Variants in CSMD1 observed in about 807,000 individuals in gnomAD.
CSMD1 encodes CUB and sushi domain-containing protein 1.
In CSMD1, 213 loss-of-function variants were observed where a neutral mutation model predicts 417.5. The ratio of observed to expected loss-of-function variants is 0.51; its 90% CI spans 0.46 to 0.57. The LOEUF is 0.57. Ranked by LOEUF, CSMD1 falls within the 20% of genes least tolerant of loss-of-function variation. CSMD1 has a pLI of 0.00. For synonymous variants in CSMD1, 2,862 were observed against 1,736.8 expected, an observed-to-expected ratio of 1.65 and a Z score of -16.11; for missense variants, 6,923 against 4,529.7, an observed-to-expected ratio of 1.53 and a Z score of -15.17.
At chr8:3,078,976 A>G (rs1813892525) in intron 49 of CSMD1, among the ~76,000 whole-genome samples, 2 of 150,668 alleles carry the variant, frequency 1.3e-5, no homozygotes, top group South Asian at 2.1e-4. Flanking sequence ...AACGGGGGGG[A>G]GCACCTTTAT....
At chr8:3,874,460 T>C (rs888392411) in intron 5 of CSMD1, among the ~76,000 whole-genome samples, 2 of 152,190 alleles carry the variant, frequency 1.3e-5, no homozygotes, top group African/African-American at 4.8e-5. Flanking sequence ...AAGCTCAGAC[T>C]TCAGTGCTTG....
intron 2 of CSMD1, among the ~76,000 whole-genome samples, chr8:4,533,525 CT>C (rs990456599): frequency 1.3e-5 from 2 of 152,086 alleles, no homozygotes; most frequent in African/African-American, 4.8e-5. Flanking sequence ...TAGTACAGAC[CT>C]TTTGGGAACA....
At chr8:4,558,654 G>C (rs1025702691) in intron 2 of CSMD1, among the ~76,000 whole-genome samples, 6 of 152,132 alleles carry the variant, frequency 3.9e-5, no homozygotes, top group African/African-American at 1.2e-4. Flanking sequence ...ATCATCTGAG[G>C]TCAGGAGTTC....
At chr8:4,335,589 C>G (rs1464525072) in intron 3 of CSMD1, among the ~76,000 whole-genome samples, 1 of 152,082 alleles carries the variant, frequency 6.6e-6, no homozygotes, top group South Asian at 2.1e-4. Context: ...CTAACTTTTC[C>G]TTAAAACTAC....
intron 7 of CSMD1, among the ~76,000 whole-genome samples, chr8:3,654,584 A>G (rs184773067): frequency 2.1e-4 from 32 of 152,204 alleles, no homozygotes; most frequent in Non-Finnish European, 4.3e-4. Context: ...AAAATTGTCT[A>G]CATACTCAAA....
At chr8:4,992,064 T>G (rs1357975179) in intron 1 of CSMD1, among the ~76,000 whole-genome samples, 2 of 152,110 alleles carry the variant, frequency 1.3e-5, no homozygotes, top group Non-Finnish European at 2.9e-5. Flanking sequence ...ACTTCTCGGC[T>G]TCTACAGCCA....
Position 3,596,411 on chromosome 8 carries a change from A to G in CSMD1, c.1098-10151T>C, listed in dbSNP as rs535972564. Reference sequence around the variant, plus strand: ...CCTTTGGGGCCTCCACGATAAGTCAACAATGGAGGAGGCTGATTCCCAAAT... The same window carrying G: ...CCTTTGGGGCCTCCACGATAAGTCAGCAATGGAGGAGGCTGATTCCCAAAT... On this transcript the variant is annotated intron_variant, in intron 8 of 69. Coordinates refer to ENST00000635120, the MANE Select transcript of CSMD1 (RefSeq NM_033225.6). Among the ~76,000 whole-genome samples the G allele has an allele frequency of 5.9e-5, 9 of 152,322 alleles. No homozygotes were observed. In the South Asian group the frequency reaches 6.2e-4, roughly 11 times the overall value.
intron 1 of CSMD1, among the ~76,000 whole-genome samples, chr8:4,766,979 G>T (rs886310086): frequency 2.0e-5 from 3 of 152,128 alleles, no homozygotes; most frequent in African/African-American, 7.2e-5. Flanking sequence ...GTCTAAAAAA[G>T]AAAATATTTC....
intron 5 of CSMD1, among the ~76,000 whole-genome samples, chr8:3,866,453 G>T (rs17067806): frequency 0.012 from 1,803 of 152,240 alleles, 33 homozygotes; most frequent in African/African-American, 0.04. Flanking sequence ...TGTTTAAATA[G>T]TGTGTGCTTG....
At position 2,961,212 on chromosome 8, in the gene CSMD1, G is replaced by A. The variant is rs1201213860; in HGVS notation, c.9631C>T (p.Pro3211Ser). The change falls in exon 62 of 70, where the codon CCT becomes TCT. Residue 3211 changes from proline to serine, a missense_variant and splice_region_variant. Coordinates refer to ENST00000635120, the MANE Select transcript of CSMD1 (RefSeq NM_033225.6). The part of the protein sequence containing the change: ...WSGIQPTCID[P>S]AHNTCPDPGT... ...GGGTCTGGGCAGGTGTTATGAGCAG[G>A]ATCTGAAATTTGTGATTTAAAAAGA... 6 of 1,587,606 alleles carry A rather than the reference G, an allele frequency of 3.8e-6. No individual in the cohort carries two copies. Among genetic ancestry groups the A allele is most frequent in the Non-Finnish European group, 5.2e-6 (6 of 1,162,962 alleles).
At chr8:4,932,871 A>C (rs1452364472) in intron 1 of CSMD1, among the ~76,000 whole-genome samples, 1 of 152,244 alleles carries the variant, frequency 6.6e-6, no homozygotes, top group African/African-American at 2.4e-5. Context: ...AAACATAGGA[A>C]AATGCAATAT....
intron 10 of CSMD1, among the ~76,000 whole-genome samples, chr8:3,507,176 G>C (rs562556859): frequency 5.9e-5 from 9 of 152,148 alleles, no homozygotes; most frequent in Non-Finnish European, 1.3e-4. Context: ...GTTTAGAGGG[G>C]AACTCAATTG....
intron 4 of CSMD1, among the ~76,000 whole-genome samples, chr8:4,028,588 G>T (rs1275853411): frequency 2.0e-5 from 3 of 152,166 alleles, no homozygotes; most frequent in South Asian, 2.1e-4. Flanking sequence ...AATGTTACAT[G>T]ATGACTTGCA....
chr8:3,428,603 G>C (rs922649967), intron 12 of CSMD1, among the ~76,000 whole-genome samples: 1 of 152,198 alleles, frequency 6.6e-6, no homozygotes, highest in Non-Finnish European at 1.5e-5. Context: ...TTCACCGTTA[G>C]TGAGGGTGGA....
chr8:4,502,971 A>C (rs986708843), intron 2 of CSMD1, among the ~76,000 whole-genome samples: 28 of 152,348 alleles, frequency 1.8e-4, no homozygotes, highest in African/African-American at 6.5e-4. Flanking sequence ...GAGATTAAAC[A>C]GCCTGAAAAT....
chr8:4,007,753 C>G (rs1403680455), intron 4 of CSMD1, among the ~76,000 whole-genome samples: 2 of 152,002 alleles, frequency 1.3e-5, no homozygotes, highest in African/African-American at 4.8e-5. Context: ...GCAAACAAGC[C>G]TCTATTCATT....
intron 2 of CSMD1, among the ~76,000 whole-genome samples, chr8:4,524,606 CAGTGCCACCT>C (rs1796418588): frequency 1.5e-5 from 1 of 67,806 alleles, no homozygotes; most frequent in Admixed American, 2.1e-4. Flanking sequence ...TTGGGTTTTT[CAGTGCCACCT>C]AGTGAAGTAT....
chr8:4,767,580 C>T (rs953273233), intron 1 of CSMD1, among the ~76,000 whole-genome samples: 1 of 152,156 alleles, frequency 6.6e-6, no homozygotes, highest in Non-Finnish European at 1.5e-5. Flanking sequence ...TCCCTTTCCG[C>T]ATTCATCAAC....
intron 1 of CSMD1, among the ~76,000 whole-genome samples, chr8:4,901,924 G>A (rs1804896440): frequency 6.6e-6 from 1 of 152,080 alleles, no homozygotes; most frequent in African/African-American, 2.4e-5. Context: ...TAAAAAGATT[G>A]TCAGTCAGAT....
Sources: allele counts gnomAD v4.1 joint callset (sites outside exome capture counted in the v4.1 genomes callset), GRCh38; gene constraint gnomAD v4.1.1; transcripts MANE v1.5; gene names NCBI Gene and HGNC (gene_info 2026-07-23, HGNC 2026-07-21).